The following ZNF892 variants were observed in gnomAD, a reference collection of about 807,000 sequenced individuals.
ZNF892 encodes zinc finger protein 892, also known as zinc finger protein 570-like.
the ZNF892 span, among the ~76,000 whole-genome samples, chr2:95,224,825 G>T: frequency 1.2e-4 from 18 of 152,200 alleles, no homozygotes; most frequent in Non-Finnish European, 1.5e-5. Context: ...CCACCCTCAT[G>T]AATGGATTAA....
the ZNF892 span, among the ~76,000 whole-genome samples, chr2:95,206,368 C>A: frequency 6.6e-5 from 10 of 152,110 alleles, no homozygotes; most frequent in African/African-American, 2.4e-4. Flanking sequence ...AATTAAGAGT[C>A]CTTTATTAAG....
At chr2:95,219,626 T>A in the ZNF892 span, among the ~76,000 whole-genome samples, 1 of 152,200 alleles carries the variant, frequency 6.6e-6, no homozygotes, top group African/African-American at 2.4e-5. Context: ...CTTGGTATGA[T>A]GAGTGATTTT....
At chr2:95,206,787 G>A in the ZNF892 span, among the ~76,000 whole-genome samples, 1 of 152,198 alleles carries the variant, frequency 6.6e-6, no homozygotes, top group Non-Finnish European at 1.5e-5. Flanking sequence ...GAAGGGGGTT[G>A]GGTAAGGAGC....
chr2:95,230,791 G>T, the ZNF892 span, among the ~76,000 whole-genome samples: 1 of 152,198 alleles, frequency 6.6e-6, no homozygotes, highest in African/African-American at 2.4e-5. Flanking sequence ...TCTGGGGGTT[G>T]CTCTTATGTT....
At chr2:95,234,302 G>C in the ZNF892 span, among the ~76,000 whole-genome samples, 1 of 152,234 alleles carries the variant, frequency 6.6e-6, no homozygotes, top group Non-Finnish European at 1.5e-5. Flanking sequence ...ATTATGATTA[G>C]AAGAAGAACC....
the ZNF892 span, among the ~76,000 whole-genome samples, chr2:95,261,291 C>T: frequency 1.3e-5 from 2 of 151,624 alleles, no homozygotes; most frequent in Non-Finnish European, 1.5e-5. Flanking sequence ...GACCCTTACA[C>T]AATTCTTTTT....
the ZNF892 span, among the ~76,000 whole-genome samples, chr2:95,209,260 A>G: frequency 6.6e-6 from 1 of 151,322 alleles, no homozygotes; most frequent in Non-Finnish European, 1.5e-5. Flanking sequence ...GCCAAAAAAT[A>G]AAAAAAAAGT....
the ZNF892 span, chr2:95,215,262 A>G: frequency 2.1e-6 from 1 of 477,750 alleles, no homozygotes; most frequent in Non-Finnish European, 3.7e-6. Flanking sequence ...GCACCAGAGG[A>G]CTCACACTGG....
chr2:95,223,870 C>T, the ZNF892 span, among the ~76,000 whole-genome samples: 2 of 152,278 alleles, frequency 1.3e-5, no homozygotes, highest in Admixed American at 1.3e-4. Context: ...TTTGTGTACC[C>T]TCGAAATTCA....
chr2:95,207,265 G>A, the ZNF892 span, among the ~76,000 whole-genome samples: 2 of 152,222 alleles, frequency 1.3e-5, no homozygotes, highest in Admixed American at 1.3e-4. Flanking sequence ...CGCCCTCACA[G>A]TAGCGGAGAT....
chr2:95,247,528 A>T, the ZNF892 span, among the ~76,000 whole-genome samples: 85 of 152,332 alleles, frequency 5.6e-4, no homozygotes, highest in African/African-American at 1.9e-3. Context: ...TAAACTAAAG[A>T]GCTTATGCAT....
the ZNF892 span, chr2:95,211,585 C>T: frequency 1.3e-5 from 5 of 398,262 alleles, no homozygotes; most frequent in Admixed American, 4.4e-5. Flanking sequence ...TAAGGAGGCT[C>T]ATTGGTGAGC....
the ZNF892 span, among the ~76,000 whole-genome samples, chr2:95,263,411 A>T: frequency 6.6e-6 from 1 of 152,232 alleles, no homozygotes; most frequent in Non-Finnish European, 1.5e-5. Context: ...ATTAGATCAT[A>T]CATTTGCATG....
the ZNF892 span, among the ~76,000 whole-genome samples, chr2:95,253,731 C>T: frequency 1.1e-3 from 162 of 152,274 alleles, 4 homozygotes; most frequent in East Asian, 0.023. Flanking sequence ...GAATGTTCTT[C>T]CATTTGTTTG....
the ZNF892 span, among the ~76,000 whole-genome samples, chr2:95,233,140 GT>G: frequency 6.6e-6 from 1 of 151,206 alleles, no homozygotes; most frequent in South Asian, 2.1e-4. Context: ...CTCCAAATTA[GT>G]TTTTTTGTTT....
the ZNF892 span, among the ~76,000 whole-genome samples, chr2:95,241,168 T>A: frequency 6.6e-6 from 1 of 152,206 alleles, no homozygotes; most frequent in Non-Finnish European, 1.5e-5. Context: ...GCAGCCAGAC[T>A]GCTTCTTTAA....
the ZNF892 span, among the ~76,000 whole-genome samples, chr2:95,260,261 G>A: frequency 6.6e-6 from 1 of 151,926 alleles, no homozygotes; most frequent in Admixed American, 6.6e-5. Context: ...CCTCCTGGGC[G>A]CCAAACACAC....
the ZNF892 span, among the ~76,000 whole-genome samples, chr2:95,234,451 G>A: frequency 2.0e-5 from 3 of 152,174 alleles, no homozygotes; most frequent in African/African-American, 4.8e-5. Context: ...AAGGAGTGCC[G>A]CACAGAGAGG....
chr2:95,251,627 CTG>C, the ZNF892 span, among the ~76,000 whole-genome samples: 1 of 152,240 alleles, frequency 6.6e-6, no homozygotes, highest in Admixed American at 6.5e-5. Context: ...CCCCTGTGGA[CTG>C]TGACCCCGAT....
Sources: allele counts gnomAD v4.1 joint callset (sites outside exome capture counted in the v4.1 genomes callset), GRCh38; gene constraint gnomAD v4.1.1; transcripts MANE v1.5; gene names NCBI Gene and HGNC (gene_info 2026-07-23, HGNC 2026-07-21).